Variants in PDE8B observed in about 807,000 individuals in gnomAD.
The protein encoded by PDE8B is high affinity cAMP-specific and IBMX-insensitive 3',5'-cyclic phosphodiesterase 8B.
A neutral mutation model predicts 101.3 loss-of-function variants in PDE8B; 26 were observed. The ratio of observed to expected loss-of-function variants is 0.26; its 90% CI spans 0.19 to 0.36. The LOEUF is 0.36. Ranked by LOEUF, PDE8B falls within the 10% of genes least tolerant of loss-of-function variation. The probability of loss-of-function intolerance (pLI) is 1.00; values close to 1 mark genes in which losing one functional copy is unlikely to be tolerated. For missense variants in PDE8B, 810 were observed against 1,163.1 expected (o/e 0.70, Z 4.42); for synonymous variants, 424 against 429.3 (o/e 0.99, Z 0.15).
chr5:77,281,170 G>A (rs989027694), intron 1 of PDE8B, among the ~76,000 whole-genome samples: 25 of 152,188 alleles, frequency 1.6e-4, no homozygotes, highest in African/African-American at 5.3e-4. Context: ...CTCAGCTCCA[G>A]TTTCATTCTG....
chr5:77,271,752 GT>G (rs1762844804), intron 1 of PDE8B, among the ~76,000 whole-genome samples: 1 of 152,174 alleles, frequency 6.6e-6, no homozygotes, highest in South Asian at 2.1e-4. Flanking sequence ...GGGAGCCACT[GT>G]TTCTTGAAAG....
chr5:77,239,092 A>G (rs1755243771), intron 1 of PDE8B, among the ~76,000 whole-genome samples: 2 of 152,238 alleles, frequency 1.3e-5, no homozygotes, highest in African/African-American at 4.8e-5. Flanking sequence ...TCTGTCAATT[A>G]TCTTGTCCCA....
Position 77,211,065 on chromosome 5 carries a change from C to T in PDE8B, c.140C>T (p.Thr47Ile). Residue 47 changes from threonine (T) to isoleucine (I), a missense_variant, in exon 1 of 22, where the codon ACC becomes ATC. Coordinates refer to ENST00000264917, the MANE Select transcript of PDE8B (RefSeq NM_003719.5). The surrounding 1 kb of genome is among the most constrained non-coding windows in gnomAD (Gnocchi z 4.1). ...AAPLPGLFVQ[T>I]DAADAIPPSR... ...CCCCTGCCCGGCCTCTTCGTCCAGACCGACGCCGCCGACGCCATCCCCCCG... is the reference window on the plus strand; with the variant it reads ...CCCCTGCCCGGCCTCTTCGTCCAGATCGACGCCGCCGACGCCATCCCCCCG... 6.6e-7 allele frequency: 1 copy of T among 1,508,330 alleles called. No individual in the cohort carries two copies. The highest frequency in any genetic ancestry group is 2.1e-5 in the Admixed American group (1 of 47,790). 93.4% of individuals were successfully genotyped at this position (1,508,330 alleles called of 1,614,324 possible).
At chr5:77,096,246 C>T in the PDE8B span, among the ~76,000 whole-genome samples, 3 of 152,202 alleles carry the variant, frequency 2.0e-5, no homozygotes, top group Non-Finnish European at 4.4e-5. Flanking sequence ...GCCTCAGCCT[C>T]CCAAAGTGTT....
chr5:77,318,298 C>A (rs1372421594), intron 2 of PDE8B, among the ~76,000 whole-genome samples: 8 of 152,230 alleles, frequency 5.3e-5, no homozygotes, highest in African/African-American at 1.9e-4. Flanking sequence ...CTGCTGCTAC[C>A]AGGTTGTGTC....
chr5:77,227,953 A>G (rs1170828163), intron 1 of PDE8B, among the ~76,000 whole-genome samples: 1 of 152,146 alleles, frequency 6.6e-6, no homozygotes, highest in African/African-American at 2.4e-5. Context: ...GGGGCTTAAG[A>G]CACCCACATT....
the PDE8B span, chr5:77,147,650 A>G: frequency 3.9e-5 from 6 of 152,358 alleles, no homozygotes; most frequent in East Asian, 7.7e-4. Context: ...CCATCTTTCC[A>G]GGAGATTCTC....
chr5:77,304,211 A>C (rs893390203), intron 1 of PDE8B, among the ~76,000 whole-genome samples: 43 of 152,316 alleles, frequency 2.8e-4, no homozygotes, highest in Non-Finnish European at 3.5e-4. Context: ...TTGACTCTTA[A>C]TTCTGCCATT....
intron 10 of PDE8B, among the ~76,000 whole-genome samples, chr5:77,366,434 G>A (rs2150614300): frequency 6.6e-6 from 1 of 152,288 alleles, no homozygotes; most frequent in Non-Finnish European, 1.5e-5. Flanking sequence ...ATCACCATGG[G>A]GTGAGAGTCC....
At position 77,344,914 on chromosome 5, in the gene PDE8B, G is replaced by A. The variant is rs777640717; in HGVS notation, c.859G>A (p.Asp287Asn). Residue 287 changes from aspartate (D) to asparagine (N), a missense_variant, in exon 7 of 22, where the codon GAT becomes AAT. Transcript: ENST00000264917. ...HCHEAIEITS[D>N]DHVIQYVNPA... ...TCATGAAGCCATAGAAATAACAAGC[G>A]ATGACCACGTGATTCAGGTATGGAA... is the stretch of plus-strand genomic sequence containing the variant. The A allele has an allele frequency of 1.6e-5, 26 of 1,608,178 alleles. No homozygotes were observed. In the South Asian group the frequency reaches 1.9e-4, roughly 12 times the overall value.
intron 2 of PDE8B, among the ~76,000 whole-genome samples, chr5:77,324,829 A>G (rs6896093): frequency 0.31 from 46,555 of 152,194 alleles, 7,214 homozygotes; most frequent in Middle Eastern, 0.43. Context: ...AATGTAAACC[A>G]TAATCTAACC....
At chr5:77,383,014 C>G (rs183124177) in intron 10 of PDE8B, among the ~76,000 whole-genome samples, 20 of 152,346 alleles carry the variant, frequency 1.3e-4, no homozygotes, top group African/African-American at 4.6e-4. Context: ...AATCGCCACA[C>G]TGTCTTCCAC....
At chr5:77,283,601 G>T (rs570354983) in intron 1 of PDE8B, among the ~76,000 whole-genome samples, 10 of 152,248 alleles carry the variant, frequency 6.6e-5, no homozygotes, top group African/African-American at 1.9e-4. Context: ...TTTTCGGATT[G>T]ACTTGACTCC....
rs756603013 is a variant in PDE8B, at chr5:77,413,315, A to AT, written c.1911+10dup. ...TTGGAAAGGAAAGAGTAAAGGTAGG[A>AT]TTTTGATATCATGACCTAGTTACCT... is the stretch of plus-strand genomic sequence containing the variant. On this transcript the variant is annotated splice_region_variant and intron_variant, in intron 17 of 21. Coordinates refer to ENST00000264917, the MANE Select transcript of PDE8B (RefSeq NM_003719.5). 10 of 1,612,182 alleles carry AT rather than the reference A, an allele frequency of 6.2e-6. No homozygotes were observed. In the South Asian group the frequency reaches 1.1e-4, roughly 18 times the overall value.
the PDE8B span, among the ~76,000 whole-genome samples, chr5:77,158,288 G>A: frequency 6.6e-6 from 1 of 152,226 alleles, no homozygotes; most frequent in Non-Finnish European, 1.5e-5. Flanking sequence ...CTAAAAATAT[G>A]TAGTGATTCA....
At chr5:77,358,347 C>T in intron 10 of PDE8B, 1 of 604,276 alleles carries the variant, frequency 1.7e-6, no homozygotes, top group Non-Finnish European at 2.1e-6. Flanking sequence ...CTCTTCCCCC[C>T]AGGAAATCTT....
intron 10 of PDE8B, among the ~76,000 whole-genome samples, chr5:77,394,422 T>C (rs894171265): frequency 1.3e-5 from 2 of 152,198 alleles, no homozygotes; most frequent in Non-Finnish European, 2.9e-5. Context: ...GGGACTCTTT[T>C]TGGGCACTGT....
intron 12 of PDE8B, 83 bp from the exon 13 acceptor site, chr5:77,407,298 C>T (rs1288874720): frequency 9.9e-7 from 1 of 1,011,624 alleles, no homozygotes; most frequent in East Asian, 2.4e-5. Context: ...GAAGCGGGCC[C>T]TGGTCCATGA....
At chr5:77,394,560 G>T (rs999484991) in intron 10 of PDE8B, among the ~76,000 whole-genome samples, 1 of 152,158 alleles carries the variant, frequency 6.6e-6, no homozygotes, top group Non-Finnish European at 1.5e-5. Flanking sequence ...GGCTCAGGCA[G>T]TCTTATTCCC....
Sources: gnomAD v4.1 joint callset for allele counts (sites outside exome capture counted in the v4.1 genomes callset) on GRCh38, gnomAD v4.1.1 for gene constraint, Gnocchi (gnomAD v3.1) non-coding constraint, MANE v1.5 for transcripts, NCBI Gene and HGNC (gene_info 2026-07-23, HGNC 2026-07-21) for gene names.